Variants in EXOC6 observed in about 807,000 individuals in gnomAD.
The protein encoded by EXOC6 is exocyst complex component 6, also known as SEC15-like 1.
Under a neutral mutation model 112.5 loss-of-function variants are expected in EXOC6, and 60 were observed. The ratio of observed to expected loss-of-function variants is 0.53; its 90% confidence interval spans 0.43 to 0.66. The LOEUF (loss-of-function observed/expected upper bound fraction) is 0.66. Ranked by LOEUF, EXOC6 falls within the 30% of genes least tolerant of loss-of-function variation. The pLI is 0.00. For synonymous variants in EXOC6, 295 were observed against 308.0 expected (o/e 0.96, Z 0.44); for missense variants, 855 against 957.1 (o/e 0.89, Z 1.41).
chr10:93,056,737 A>G (rs931571229), intron 20 of EXOC6, among the ~76,000 whole-genome samples, 187 bp from the exon 21 acceptor site: 7 of 152,218 alleles, frequency 4.6e-5, no homozygotes, highest in African/African-American at 1.7e-4. Flanking sequence ...CATTTTTAGT[A>G]ATTTCAAAGT....
chr10:92,943,644 G>A (rs1051286302), intron 13 of EXOC6, among the ~76,000 whole-genome samples: 21 of 150,658 alleles, frequency 1.4e-4, no homozygotes, highest in African/African-American at 4.9e-4. Context: ...TGATGTTTTG[G>A]TATATTGTAT....
intron 1 of EXOC6, among the ~76,000 whole-genome samples, chr10:92,867,372 A>G (rs1564786228): frequency 1.3e-5 from 2 of 152,140 alleles, no homozygotes; most frequent in Non-Finnish European, 2.9e-5. Flanking sequence ...AGTAACTAGA[A>G]ACCACACCAG....
At chr10:93,001,597 G>C (rs954424189) in intron 19 of EXOC6, among the ~76,000 whole-genome samples, 2 of 152,208 alleles carry the variant, frequency 1.3e-5, no homozygotes, top group African/African-American at 4.8e-5. Flanking sequence ...ATCGGAATTA[G>C]AGAAAGTTAC....
At position 92,998,590 on chromosome 10, in the gene EXOC6, G is replaced by A. The variant is rs558119550; in HGVS notation, c.2095+975G>A. Among the ~76,000 whole-genome samples the A allele has an allele frequency of 2.7e-5, 4 of 149,116 alleles. No homozygotes were observed. The South Asian group carries it at 8.7e-4, about 32-fold the overall frequency. ...TCATTAATATTATAGAAAATAATTA[G>A]ATAGGCTCTTTGGACAAGATCAATT... On this transcript the variant is annotated intron_variant, in intron 19 of 21. Transcript: ENST00000260762.
chr10:92,975,910 G>A (rs1842564605), intron 18 of EXOC6, among the ~76,000 whole-genome samples: 1 of 142,280 alleles, frequency 7.0e-6, no homozygotes, highest in Non-Finnish European at 1.6e-5. Flanking sequence ...CCCCGTCCGG[G>A]AGGGAGGTGG....
upstream of EXOC6, among the ~76,000 whole-genome samples, chr10:92,832,422 C>T (rs1846516959): frequency 6.6e-6 from 1 of 152,084 alleles, no homozygotes; most frequent in Non-Finnish European, 1.5e-5. Context: ...GAATTACAGG[C>T]GTCCGCCACC....
intron 13 of EXOC6, among the ~76,000 whole-genome samples, chr10:92,947,873 C>T (rs1010239497): frequency 7.9e-5 from 12 of 152,116 alleles, no homozygotes; most frequent in African/African-American, 2.9e-4. Context: ...CACTGCACTC[C>T]AGCCTGGGTG....
chr10:92,827,869 C>T (rs1439227086), intron 1 of EXOC6, among the ~76,000 whole-genome samples: 3 of 152,210 alleles, frequency 2.0e-5, no homozygotes, highest in African/African-American at 7.2e-5. Flanking sequence ...TGGGAACTCT[C>T]ATTCTGCCTT....
At chr10:93,014,161 A>G (rs1448401756) in intron 19 of EXOC6, 33 bp from the exon 20 acceptor site, 2 of 1,556,294 alleles carry the variant, frequency 1.3e-6, no homozygotes, top group East Asian at 4.5e-5. Context: ...TTGTGATCTC[A>G]TTTTTATTCT....
At chr10:93,047,535 CAAACAAAACA>C (rs149468459) in intron 20 of EXOC6, among the ~76,000 whole-genome samples, 9 of 151,148 alleles carry the variant, frequency 6.0e-5, no homozygotes, top group Non-Finnish European at 8.8e-5. Flanking sequence ...GGCTATGTCT[CAAACAAAACA>C]AAACAAAACA....
chr10:92,856,571 T>A (rs1329988318), intron 1 of EXOC6, among the ~76,000 whole-genome samples: 1 of 152,196 alleles, frequency 6.6e-6, no homozygotes, highest in Non-Finnish European at 1.5e-5. Flanking sequence ...ATGACTTCAG[T>A]TTATTTTAAG....
chr10:92,884,145 T>A (rs1464520411), intron 1 of EXOC6, among the ~76,000 whole-genome samples: 1 of 152,112 alleles, frequency 6.6e-6, no homozygotes, highest in Admixed American at 6.6e-5. Flanking sequence ...GTGATTCACC[T>A]GCCTTGGCCT....
At chr10:93,006,334 TTTTAAAAAGTAAGC>T (rs1843980895) in intron 19 of EXOC6, among the ~76,000 whole-genome samples, 1 of 152,206 alleles carries the variant, frequency 6.6e-6, no homozygotes, top group Non-Finnish European at 1.5e-5. Flanking sequence ...TTCAGTGCCT[TTTTAAAAAGTAAGC>T]TGGATGCTGT....
chr10:92,896,141 GTA>G (rs1157417259), intron 4 of EXOC6, among the ~76,000 whole-genome samples: 2,321 of 33,572 alleles, frequency 0.069, 280 homozygotes, highest in African/African-American at 0.16. Flanking sequence ...GTGTGTGTAT[GTA>G]TGTGTATATA....
chr10:92,879,179 G>T (rs1241304840), intron 1 of EXOC6, among the ~76,000 whole-genome samples: 1 of 152,148 alleles, frequency 6.6e-6, no homozygotes, highest in Non-Finnish European at 1.5e-5. Flanking sequence ...TAGTTTAGAA[G>T]TAGATTAAAA....
rs571031296 is a variant in EXOC6, at chr10:92,975,350, TGAG to T, written c.1953+1122_1953+1124del. Among the ~76,000 whole-genome samples the T allele has an allele frequency of 3.0e-3, 441 of 147,690 alleles. 7 individuals carry two copies. The highest frequency in any genetic ancestry group is 4.6e-4 in the Non-Finnish European group (31 of 67,038). ...CCTGGCAACCGCCCGGTCTGAGAAGTGAGGAGCCCCTCCGCCCGGCAGCCGCCC... is the reference window on the plus strand; with the variant it reads ...CCTGGCAACCGCCCGGTCTGAGAAGTGAGCCCCTCCGCCCGGCAGCCGCCC... On this transcript the variant is annotated intron_variant, in intron 18 of 21. Coordinates refer to ENST00000260762, the MANE Select transcript of EXOC6 (RefSeq NM_019053.6).
At chr10:92,957,077 T>C (rs1014615938) in intron 17 of EXOC6, among the ~76,000 whole-genome samples, 1 of 152,100 alleles carries the variant, frequency 6.6e-6, no homozygotes, top group African/African-American at 2.4e-5. Flanking sequence ...TATGATAATA[T>C]AGGAGGAGAT....
intron 19 of EXOC6, chr10:92,999,271 C>T: frequency 2.5e-6 from 1 of 399,756 alleles, no homozygotes; most frequent in Non-Finnish European, 4.8e-6. Context: ...CTGTGTTGCC[C>T]AGACTGGTCT....
intron 18 of EXOC6, among the ~76,000 whole-genome samples, chr10:92,992,904 TATTC>T (rs976317876): frequency 2.2e-4 from 34 of 151,884 alleles, no homozygotes; most frequent in Admixed American, 5.9e-4. Context: ...TTTATGAATT[TATTC>T]ATTCATTAAT....
Sources: gnomAD v4.1 joint callset for allele counts (sites outside exome capture counted in the v4.1 genomes callset) on GRCh38, gnomAD v4.1.1 for gene constraint, MANE v1.5 for transcripts, NCBI Gene and HGNC (gene_info 2026-07-23, HGNC 2026-07-21) for gene names.